LRMDA: variants seen among roughly 807,000 people sequenced by gnomAD.
LRMDA encodes leucine rich melanocyte differentiation associated.
Under a neutral mutation model 29.8 loss-of-function variants are expected in LRMDA, and 18 were observed. That is an observed-to-expected ratio of 0.60 (90% CI 0.42 to 0.90). LRMDA has a LOEUF of 0.90. Among genes scored for constraint, LRMDA ranks in the 40% least tolerant of loss-of-function variants. LRMDA has a pLI of 0.00. For missense variants in LRMDA, 273 were observed against 273.9 expected, an observed-to-expected ratio of 1.00 and a Z score of 0.02; for synonymous variants, 125 against 109.4, an observed-to-expected ratio of 1.14 and a Z score of -0.89.
intron 6 of LRMDA, among the ~76,000 whole-genome samples, chr10:76,434,904 A>T (rs1262073498): frequency 6.6e-6 from 1 of 151,978 alleles, no homozygotes; most frequent in East Asian, 1.9e-4. Flanking sequence ...TAATCAAACA[A>T]CTCTTCATTA....
intron 5 of LRMDA, among the ~76,000 whole-genome samples, chr10:76,204,369 AT>A (rs1851496452): frequency 2.0e-5 from 3 of 150,972 alleles, no homozygotes; most frequent in African/African-American, 4.9e-5. Flanking sequence ...CCATGTGCCC[AT>A]CTACCCATCT....
intron 5 of LRMDA, among the ~76,000 whole-genome samples, chr10:76,323,567 TAGC>T (rs1249849089): frequency 6.6e-6 from 1 of 152,202 alleles, no homozygotes; most frequent in East Asian, 1.9e-4. Context: ...TTCTTGCTAC[TAGC>T]AGCTACACTG....
chr10:75,527,769 AAAT>A (rs894255644), intron 2 of LRMDA, among the ~76,000 whole-genome samples: 1 of 147,844 alleles, frequency 6.8e-6, no homozygotes, highest in African/African-American at 2.5e-5. Context: ...ATATAATTAT[AAAT>A]AATATGTAAT....
intron 2 of LRMDA, among the ~76,000 whole-genome samples, chr10:75,662,759 G>A (rs1425049594): frequency 6.6e-6 from 1 of 152,212 alleles, no homozygotes; most frequent in Non-Finnish European, 1.5e-5. Context: ...CTTTGGTGAG[G>A]ACGTTCTGTA....
chr10:75,821,486 C>T (rs1844156880), intron 2 of LRMDA, among the ~76,000 whole-genome samples: 1 of 152,178 alleles, frequency 6.6e-6, no homozygotes, highest in Non-Finnish European at 1.5e-5. Flanking sequence ...AAAACCCTTA[C>T]TGGCTGGGCG....
At chr10:76,250,227 G>A (rs913751885) in intron 5 of LRMDA, among the ~76,000 whole-genome samples, 1 of 152,108 alleles carries the variant, frequency 6.6e-6, no homozygotes, top group African/African-American at 2.4e-5. Context: ...AGATCCCCTG[G>A]CATATTGTGA....
intron 2 of LRMDA, among the ~76,000 whole-genome samples, chr10:75,473,015 G>C (rs1844744065): frequency 1.3e-5 from 2 of 152,318 alleles, no homozygotes; most frequent in South Asian, 4.1e-4. Context: ...GTCAGATCAG[G>C]TTTACCTAGC....
chr10:76,278,577 C>A (rs553968117), intron 5 of LRMDA, among the ~76,000 whole-genome samples: 82 of 152,286 alleles, frequency 5.4e-4, no homozygotes, highest in African/African-American at 1.9e-3. Context: ...TGACAGTCAG[C>A]GGTGTCTCAC....
At chr10:75,599,732 G>A (rs951356708) in intron 2 of LRMDA, among the ~76,000 whole-genome samples, 1 of 152,200 alleles carries the variant, frequency 6.6e-6, no homozygotes, top group Non-Finnish European at 1.5e-5. Flanking sequence ...TAGATATCGA[G>A]CACTTCAAAT....
chr10:76,017,218 C>T (rs574084373), intron 2 of LRMDA, among the ~76,000 whole-genome samples: 10 of 152,166 alleles, frequency 6.6e-5, no homozygotes, highest in Non-Finnish European at 1.2e-4. Context: ...AGATCCCGCG[C>T]GAAGGCCAGA....
At chr10:76,477,689 G>T (rs976817992) in intron 6 of LRMDA, among the ~76,000 whole-genome samples, 1 of 152,044 alleles carries the variant, frequency 6.6e-6, no homozygotes, top group Non-Finnish European at 1.5e-5. Flanking sequence ...GCATGGTACT[G>T]GTACCAAAGC....
chr10:76,345,536 T>C (rs1841096647), intron 6 of LRMDA, among the ~76,000 whole-genome samples: 1 of 150,544 alleles, frequency 6.6e-6, no homozygotes, highest in African/African-American at 2.4e-5. Context: ...GAATAGTATG[T>C]ATATTATACT....
intron 6 of LRMDA, among the ~76,000 whole-genome samples, chr10:76,339,201 A>G: frequency 6.6e-6 from 1 of 151,984 alleles, no homozygotes; most frequent in East Asian, 1.9e-4. Flanking sequence ...GCTTCTTTCA[A>G]ATTAACTGAC....
intron 2 of LRMDA, among the ~76,000 whole-genome samples, chr10:75,697,850 T>TGTGTGCGC (rs10664076): frequency 6.6e-6 from 1 of 151,586 alleles, no homozygotes; most frequent in African/African-American, 2.4e-5. Context: ...TGTGTGTGTG[T>TGTGTGCGC]GCGTGTGTGT....
At chr10:75,709,929 A>T (rs570410079) in intron 2 of LRMDA, among the ~76,000 whole-genome samples, 1 of 152,300 alleles carries the variant, frequency 6.6e-6, no homozygotes, top group Non-Finnish European at 1.5e-5. Flanking sequence ...CTTAGCTCAT[A>T]TCACATTGTA....
At chr10:76,506,904 T>G (rs573615261) in intron 6 of LRMDA, among the ~76,000 whole-genome samples, 1 of 152,238 alleles carries the variant, frequency 6.6e-6, no homozygotes, top group East Asian at 1.9e-4. Context: ...CTATGGTGAA[T>G]AGTGTTGCAA....
At chr10:75,812,364 C>T (rs769736245) in intron 2 of LRMDA, among the ~76,000 whole-genome samples, 10 of 152,016 alleles carry the variant, frequency 6.6e-5, no homozygotes, top group Non-Finnish European at 1.2e-4. Flanking sequence ...TATAAATTAG[C>T]ACGTACAATG....
intron 6 of LRMDA, among the ~76,000 whole-genome samples, chr10:76,382,694 G>T (rs1435022900): frequency 1.3e-5 from 2 of 152,168 alleles, no homozygotes; most frequent in African/African-American, 2.4e-5. Flanking sequence ...GGGTGAGTCT[G>T]GTGGGGCCTC....
intron 2 of LRMDA, among the ~76,000 whole-genome samples, chr10:75,732,261 CA>C (rs1401562967): frequency 1.3e-5 from 2 of 152,120 alleles, no homozygotes; most frequent in African/African-American, 2.4e-5. Context: ...GGTATGCTTA[CA>C]GGGAAGCATG....
Sources: allele counts gnomAD v4.1 joint callset (sites outside exome capture counted in the v4.1 genomes callset), GRCh38; gene constraint gnomAD v4.1.1; transcripts MANE v1.5; gene names NCBI Gene and HGNC (gene_info 2026-07-23, HGNC 2026-07-21).